KAZN: variants seen among roughly 807,000 people sequenced by gnomAD.
KAZN encodes kazrin, periplakin interacting protein, also known as kazrin.
A neutral mutation model predicts 87.4 loss-of-function variants in KAZN; 40 were observed. The observed-to-expected ratio is 0.46, with a 90% CI of 0.36 to 0.60. The LOEUF is 0.60. Ranked by LOEUF, KAZN falls within the 20% of genes least tolerant of loss-of-function variation. The pLI is 0.00. For synonymous variants in KAZN, 466 were observed against 458.3 expected, an observed-to-expected ratio of 1.02 and a Z score of -0.22; for missense variants, 898 against 1,073.9, an observed-to-expected ratio of 0.84 and a Z score of 2.29.
At chr1:14,365,484 G>A (rs529118769) in intron 2 of KAZN, among the ~76,000 whole-genome samples, 4 of 151,258 alleles carry the variant, frequency 2.6e-5, no homozygotes, top group East Asian at 3.9e-4. Context: ...TCCAAATAAC[G>A]TCATACACTG....
At chr1:15,054,869 A>C (rs956815796) in intron 4 of KAZN, among the ~76,000 whole-genome samples, 5 of 152,256 alleles carry the variant, frequency 3.3e-5, no homozygotes, top group African/African-American at 1.2e-4. Flanking sequence ...GCTCAGCCTC[A>C]CACTTGTCCC....
At chr1:14,170,652 C>G (rs1343904739) in intron 1 of KAZN, among the ~76,000 whole-genome samples, 1 of 152,152 alleles carries the variant, frequency 6.6e-6, no homozygotes, top group African/African-American at 2.4e-5. Context: ...CTTTTTATTG[C>G]CACAAAAGGA....
At chr1:14,335,798 T>C (rs1040154836) in intron 2 of KAZN, among the ~76,000 whole-genome samples, 2 of 147,860 alleles carry the variant, frequency 1.4e-5, no homozygotes, top group Admixed American at 6.7e-5. Context: ...AATTCAGAGA[T>C]AGAGATGGAA....
At chr1:14,300,432 A>G (rs891581899) in intron 2 of KAZN, among the ~76,000 whole-genome samples, 7 of 152,118 alleles carry the variant, frequency 4.6e-5, no homozygotes, top group South Asian at 4.2e-4. Flanking sequence ...AGGTCTCCCT[A>G]TGTTGCCCAG....
intron 2 of KAZN, among the ~76,000 whole-genome samples, chr1:14,283,312 T>C (rs1426879990): frequency 6.6e-6 from 1 of 152,160 alleles, no homozygotes; most frequent in African/African-American, 2.4e-5. Flanking sequence ...GAAACAAACA[T>C]GTTCTTAATT....
At chr1:13,997,635 A>C (rs12030294) in intron 1 of KAZN, among the ~76,000 whole-genome samples, 20,539 of 151,652 alleles carry the variant, frequency 0.14, 1,503 homozygotes, top group Middle Eastern at 0.22. Flanking sequence ...TGATGACCAC[A>C]TTATTGAAAT....
chr1:14,382,028 C>T (rs992593068), intron 2 of KAZN, among the ~76,000 whole-genome samples: 2 of 152,074 alleles, frequency 1.3e-5, no homozygotes, highest in East Asian at 3.8e-4. Flanking sequence ...CTTATATATC[C>T]CAACTGTGAA....
intron 1 of KAZN, among the ~76,000 whole-genome samples, chr1:13,966,102 C>T (rs1186499163): frequency 1.3e-5 from 2 of 152,016 alleles, no homozygotes; most frequent in Admixed American, 6.6e-5. Flanking sequence ...CTCTCCTAAG[C>T]CTTTGCTGCT....
intron 1 of KAZN, chr1:14,924,228 G>GCGC (rs1403466042): frequency 1.0e-6 from 1 of 981,266 alleles, no homozygotes; most frequent in Admixed American, 6.3e-5. Context: ...GGTCCGGCGC[G>GCGC]CGCCGCCGGC....
intron 2 of KAZN, among the ~76,000 whole-genome samples, chr1:14,560,826 G>A (rs915788786): frequency 1.3e-5 from 2 of 152,112 alleles, no homozygotes; most frequent in Admixed American, 6.6e-5. Context: ...TACTGGATTC[G>A]GCTTTCTGGT....
chr1:14,249,177 C>T (rs74886821), intron 2 of KAZN, among the ~76,000 whole-genome samples: 4,585 of 152,302 alleles, frequency 0.03, 115 homozygotes, highest in East Asian at 0.11. Context: ...GAGCACCATG[C>T]AGCAGTTGTT....
intron 2 of KAZN, among the ~76,000 whole-genome samples, chr1:14,216,111 C>T (rs1172245299): frequency 2.0e-5 from 3 of 151,844 alleles, no homozygotes; most frequent in African/African-American, 7.3e-5. Flanking sequence ...ATTAAATTGA[C>T]AAAAATATGA....
intron 1 of KAZN, among the ~76,000 whole-genome samples, chr1:14,938,230 G>A (rs939422010): frequency 6.6e-6 from 1 of 152,152 alleles, no homozygotes; most frequent in African/African-American, 2.4e-5. Flanking sequence ...GTTTTGTGGA[G>A]ATTAAGATCA....
At chr1:14,924,468 C>G (rs1216752516) in intron 1 of KAZN, 3 of 990,978 alleles carry the variant, frequency 3.0e-6, no homozygotes, top group African/African-American at 1.8e-5. Flanking sequence ...GCGCGGCCCC[C>G]GGGACCCGCA....
At position 14,658,002 on chromosome 1, in the gene KAZN, A is replaced by G. The variant is rs10927484; in HGVS notation, c.226+58779A>G. On this transcript the variant is annotated intron_variant, in intron 1 of 14. Coordinates refer to ENST00000376030, the MANE Select transcript of KAZN (RefSeq NM_201628.3). ...ACCAAGGCGTGGAGTCCATAGGCAC[A>G]TGGCAGTGCAGGCACCTGGCGCTGG... is the stretch of plus-strand genomic sequence containing the variant. Among the ~76,000 whole-genome samples the G allele has an allele frequency of 6.6e-3, 1,008 of 152,340 alleles. 12 individuals carry two copies. Among genetic ancestry groups the G allele is most frequent in the African/African-American group, 0.022 (915 of 41,586 alleles).
chr1:14,810,919 G>A (rs1396729424), intron 1 of KAZN, among the ~76,000 whole-genome samples: 1 of 152,198 alleles, frequency 6.6e-6, no homozygotes, highest in Non-Finnish European at 1.5e-5. Context: ...GGAGCACCAT[G>A]GCCAGCTTGT....
intron 2 of KAZN, among the ~76,000 whole-genome samples, chr1:14,252,663 A>T (rs1281407953): frequency 3.3e-5 from 5 of 152,190 alleles, no homozygotes; most frequent in Non-Finnish European, 5.9e-5. Context: ...GAGGATTCAA[A>T]TGCTTAAACA....
intron 2 of KAZN, among the ~76,000 whole-genome samples, chr1:14,338,625 T>C (rs1187528894): frequency 6.6e-6 from 1 of 152,152 alleles, no homozygotes; most frequent in Admixed American, 6.5e-5. Context: ...TTTCCTTTTC[T>C]TGCTGTATGT....
At chr1:14,021,709 A>C (rs1181641320) in intron 1 of KAZN, among the ~76,000 whole-genome samples, 1 of 152,164 alleles carries the variant, frequency 6.6e-6, no homozygotes, top group East Asian at 1.9e-4. Flanking sequence ...TAGAAGAAAA[A>C]TTTTAGATGC....
Sources: allele counts gnomAD v4.1 joint callset (sites outside exome capture counted in the v4.1 genomes callset), GRCh38; gene constraint gnomAD v4.1.1; transcripts MANE v1.5; gene names NCBI Gene and HGNC (gene_info 2026-07-23, HGNC 2026-07-21).